The following INPP5D variants were observed in gnomAD, a reference collection of about 807,000 sequenced individuals.
INPP5D encodes inositol polyphosphate-5-phosphatase D.
A neutral mutation model predicts 122.9 loss-of-function variants in INPP5D; 33 were observed. The observed-to-expected ratio is 0.27, with a 90% CI of 0.20 to 0.36. The LOEUF (loss-of-function observed/expected upper bound fraction) is 0.36, where lower values mean the gene tolerates loss of function less well. Ranked by LOEUF, INPP5D falls within the 10% of genes least tolerant of loss-of-function variation. The pLI is 1.00. For missense variants in INPP5D, 1,053 were observed against 1,412.7 expected, an observed-to-expected ratio of 0.75 and a Z score of 4.08; for synonymous variants, 584 against 576.2, an observed-to-expected ratio of 1.01 and a Z score of -0.19.
At chr2:233,191,846 G>A (rs781011649) in intron 22 of INPP5D, among the ~76,000 whole-genome samples, 4 of 152,174 alleles carry the variant, frequency 2.6e-5, no homozygotes, top group Non-Finnish European at 5.9e-5. Flanking sequence ...AATACTGCTC[G>A]GTGGAAGTCA....
intron 13 of INPP5D, among the ~76,000 whole-genome samples, chr2:233,165,850 T>TTGTGTG (rs57991740): frequency 6.7e-6 from 1 of 150,238 alleles, no homozygotes; most frequent in African/African-American, 2.5e-5. Context: ...CTCTGTGTGT[T>TTGTGTG]TGTGTGTGTG....
chr2:233,072,353 A>C (rs1691403830), intron 1 of INPP5D, among the ~76,000 whole-genome samples: 1 of 152,192 alleles, frequency 6.6e-6, no homozygotes, highest in Non-Finnish European at 1.5e-5. Context: ...TATATATGTG[A>C]AACCATTTTG....
At chr2:233,158,277 T>G (rs909453815) in intron 9 of INPP5D, 36 bp from the exon 10 acceptor site, 9 of 689,724 alleles carry the variant, frequency 1.3e-5, no homozygotes, top group Non-Finnish European at 2.4e-5. Context: ...GTTGAATGAG[T>G]GGATGAATGA....
intron 21 of INPP5D, among the ~76,000 whole-genome samples, chr2:233,187,611 C>A (rs1426893757): frequency 6.6e-6 from 1 of 152,220 alleles, no homozygotes; most frequent in Non-Finnish European, 1.5e-5. Context: ...GAGGCTGATG[C>A]CTGAACTCCA....
chr2:233,182,444 C>A lies in INPP5D; in HGVS notation c.2106C>A (p.Ser702Arg). 4 of 1,613,824 alleles carry A rather than the reference C, an allele frequency of 2.5e-6. No individual in the cohort carries two copies. The South Asian group carries it at 3.3e-5, about 13-fold the overall frequency. The change falls in exon 19 of 27, where the codon AGC (serine) becomes AGA (arginine). Residue 702 changes from serine to arginine, a missense_variant. By Grantham distance (110) the Ser-to-Arg change is moderately radical (BLOSUM62 -1). Coordinates refer to ENST00000445964, the MANE Select transcript of INPP5D (RefSeq NM_001017915.3). ...GCGACATCATGACGAGTGACCACAG[C>A]CCTGTCTTTGCCACATTTGAGGCAG... Reference protein sequence around the residue: ...STSDIMTSDHSPVFATFEAGV... With the variant: ...STSDIMTSDHRPVFATFEAGV...
At chr2:233,165,850 T>TTGTG (rs57991740) in intron 13 of INPP5D, among the ~76,000 whole-genome samples, 15 of 150,342 alleles carry the variant, frequency 1.0e-4, no homozygotes, top group South Asian at 8.4e-4. Flanking sequence ...CTCTGTGTGT[T>TTGTG]TGTGTGTGTG....
intron 3 of INPP5D, among the ~76,000 whole-genome samples, chr2:233,124,113 G>GTT (rs111499171): frequency 3.5e-5 from 5 of 144,080 alleles, no homozygotes; most frequent in Admixed American, 7.0e-5. Flanking sequence ...TAAAATACAA[G>GTT]TTTTTTTTTT....
intron 2 of INPP5D, among the ~76,000 whole-genome samples, chr2:233,120,449 A>T (rs1692936377): frequency 6.6e-6 from 1 of 152,238 alleles, no homozygotes; most frequent in Non-Finnish European, 1.5e-5. Context: ...GTGCCACTGC[A>T]CTCCAGCCTG....
At chr2:233,198,892 G>C (rs1051831050) in intron 25 of INPP5D, among the ~76,000 whole-genome samples, 2 of 151,664 alleles carry the variant, frequency 1.3e-5, no homozygotes, top group African/African-American at 4.8e-5. Flanking sequence ...GGAGGTTGCG[G>C]TGCGCCGAGA....
chr2:233,142,840 C>T (rs1342217010), intron 6 of INPP5D, among the ~76,000 whole-genome samples: 8 of 152,136 alleles, frequency 5.3e-5, no homozygotes, highest in African/African-American at 1.7e-4. Context: ...TCCTCAACCT[C>T]GACACTGGTG....
intron 6 of INPP5D, among the ~76,000 whole-genome samples, chr2:233,145,681 C>A (rs191669160): frequency 1.9e-3 from 287 of 150,228 alleles, no homozygotes; most frequent in African/African-American, 5.7e-3. Context: ...TGGCTCAGAT[C>A]TTGGTGGGGC....
At position 233,160,894 on chromosome 2, in the gene INPP5D, C is replaced by G. The variant is rs1405987644; in HGVS notation, c.1138-830C>G. Among the ~76,000 whole-genome samples the G allele has an allele frequency of 6.6e-6, 1 of 152,160 alleles. No homozygotes were observed. On this transcript the variant is annotated intron_variant, in intron 10 of 26. Coordinates refer to ENST00000445964, the MANE Select transcript of INPP5D (RefSeq NM_001017915.3). The surrounding 1 kb of genome is among the most constrained non-coding windows in gnomAD (Gnocchi z 4.2). ...AAACAATCCTTCTGCCTCAGCCTCC[C>G]AAAGTCCTGGGATTACAGGCATGAG...
rs993502854 is a variant in INPP5D at position 233,078,895 on chromosome 2, A to G, written c.135-440A>G. On this transcript the variant is annotated intron_variant, in intron 1 of 26. Transcript: ENST00000445964. The surrounding 1 kb of genome is among the most constrained non-coding windows in gnomAD (Gnocchi z 4.6). ...ATGGGATTTCACCATGTTGGCCAGG[A>G]TGGTCTCAATCTCTTGACCTTGTGA... Among the ~76,000 whole-genome samples, 3 of 151,944 alleles carry G rather than the reference A, an allele frequency of 2.0e-5. No individual in the cohort carries two copies. Among genetic ancestry groups the G allele is most frequent in the Non-Finnish European group, 4.4e-5 (3 of 67,982 alleles).
At chr2:233,121,173 C>T (rs1305542496) in intron 2 of INPP5D, among the ~76,000 whole-genome samples, 4 of 148,054 alleles carry the variant, frequency 2.7e-5, no homozygotes, top group African/African-American at 1.0e-4. Context: ...ACTCTGTCGC[C>T]CAGGCTGGAG....
Position 233,169,299 on chromosome 2 carries a change from T to G in INPP5D, c.1556-6T>G, listed in dbSNP as rs1265517514. On this transcript the variant is annotated splice_polypyrimidine_tract_variant and splice_region_variant and intron_variant, in intron 13 of 26. Coordinates refer to ENST00000445964, the MANE Select transcript of INPP5D (RefSeq NM_001017915.3). ...TTTTGATTCTTCTTTCTGCTCTTCT[T>G]TTTAGGGAACAAGGGAGCCGTGGGG... 6.3e-7 allele frequency: 1 copy of G among 1,596,472 alleles called. No homozygotes were observed. Among genetic ancestry groups the G allele is most frequent in the East Asian group, 2.2e-5 (1 of 44,490 alleles).
At chr2:233,151,902 G>C (rs137933594) in intron 9 of INPP5D, among the ~76,000 whole-genome samples, 24,033 of 152,234 alleles carry the variant, frequency 0.16, 2,501 homozygotes, top group East Asian at 0.45. Context: ...AGAGAATGAA[G>C]GCAAGAATGA....
intron 5 of INPP5D, among the ~76,000 whole-genome samples, chr2:233,137,580 TGA>T (rs926341566): frequency 3.6e-4 from 55 of 150,904 alleles, no homozygotes; most frequent in African/African-American, 1.3e-3. Flanking sequence ...CTCAGCCTCC[TGA>T]GTTGCTGGCA....
chr2:233,061,299 C>A (rs1691066848), intron 1 of INPP5D, among the ~76,000 whole-genome samples: 1 of 148,962 alleles, frequency 6.7e-6, no homozygotes, highest in Admixed American at 6.9e-5. Flanking sequence ...CTGAATGTAC[C>A]AGCTGTGCTA....
At chr2:233,098,664 C>T (rs770852161) in intron 2 of INPP5D, among the ~76,000 whole-genome samples, 2 of 152,160 alleles carry the variant, frequency 1.3e-5, no homozygotes, top group South Asian at 2.1e-4. Flanking sequence ...TCAGCCATTC[C>T]GCACGCCCCT....
Sources: allele counts gnomAD v4.1 joint callset (sites outside exome capture counted in the v4.1 genomes callset), GRCh38; gene constraint gnomAD v4.1.1; non-coding constraint Gnocchi (gnomAD v3.1); transcripts MANE v1.5; gene names NCBI Gene and HGNC (gene_info 2026-07-23, HGNC 2026-07-21).